Variants in LCA5 observed in about 807,000 individuals in gnomAD.
LCA5 encodes the protein lebercilin LCA5.
Under a neutral mutation model 53.0 loss-of-function variants are expected in LCA5, and 37 were observed. The ratio of observed to expected loss-of-function variants is 0.70; its 90% CI spans 0.54 to 0.92. The LOEUF is 0.92. Ranked by LOEUF, LCA5 falls within the 40% of genes least tolerant of loss-of-function variation. LCA5 has a pLI of 0.00. For missense variants in LCA5, 806 were observed against 790.5 expected (o/e 1.02, Z -0.23); for synonymous variants, 303 against 282.9 (o/e 1.07, Z -0.71).
intron 3 of LCA5, among the ~76,000 whole-genome samples, chr6:79,508,117 T>TGA (rs1770317243): frequency 6.6e-6 from 1 of 152,136 alleles, no homozygotes; most frequent in Admixed American, 6.5e-5. Flanking sequence ...GTATACACAC[T>TGA]GAGGTAACTG....
intron 1 of LCA5, among the ~76,000 whole-genome samples, chr6:79,528,910 A>G (rs1356530348): frequency 6.6e-6 from 1 of 152,228 alleles, no homozygotes; most frequent in Non-Finnish European, 1.5e-5. Context: ...TACTGCCCCA[A>G]ATGTAACCAT....
At chr6:79,525,887 T>C (rs2127687055) in intron 1 of LCA5, among the ~76,000 whole-genome samples, 1 of 152,196 alleles carries the variant, frequency 6.6e-6, no homozygotes, top group Admixed American at 6.5e-5. Context: ...CTAGCGTGAG[T>C]AAACCTTTAA....
intron 1 of LCA5, among the ~76,000 whole-genome samples, chr6:79,529,855 C>CA (rs1246744705): frequency 1.4e-5 from 2 of 144,510 alleles, no homozygotes; most frequent in East Asian, 2.1e-4. Context: ...ATTGCAAGGA[C>CA]AAAAAAAACC....
At position 79,513,594 on chromosome 6, in the gene LCA5, T is replaced by C. The variant is rs181890907; in HGVS notation, c.338A>G (p.Asn113Ser). 1.9e-4 allele frequency: 300 copies of C among 1,613,998 alleles called. 4 individuals carry two copies. Among genetic ancestry groups the C allele is most frequent in the Admixed American group, 1.2e-3 (72 of 60,000 alleles). The change falls in exon 3 of 8, where the codon AAT becomes AGT. Residue 113 changes from asparagine (N) to serine (S), a missense_variant. Transcript: ENST00000369846. ...RILSARLLKINELQNEVSELQ... is the reference protein window; with the variant it reads ...RILSARLLKISELQNEVSELQ... ...TTCAGATACTTCATTCTGCAACTCA[T>C]TGATTTTTAGCAGTCTTGCAGACAG...
At chr6:79,536,808 A>G (rs1767146385) in intron 1 of LCA5, among the ~76,000 whole-genome samples, 2 of 151,632 alleles carry the variant, frequency 1.3e-5, no homozygotes, top group Non-Finnish European at 2.9e-5. Flanking sequence ...TGTTTGTTTT[A>G]ATAACAACCA....
chr6:79,495,703 A>T (rs886142900), intron 3 of LCA5, among the ~76,000 whole-genome samples: 1 of 150,438 alleles, frequency 6.6e-6, no homozygotes, highest in Non-Finnish European at 1.5e-5. Context: ...GTGAGCCGAG[A>T]TCATGCCACT....
In LCA5 at chr6:79,487,782, C is replaced by T. The variant is rs1435049670; in HGVS notation, c.1316G>A (p.Gly439Glu). The T allele has an allele frequency of 6.8e-6, 11 of 1,612,660 alleles. No individual in the cohort carries two copies. The Middle Eastern group carries it at 5.0e-4, about 73-fold the overall frequency. ...TGGATACATTCCTAGTTGGTACCTT[C>T]CAGTTTCCCACTCTGGCTTTTCTTC... The part of the protein sequence containing the change: ...EREEKPEWET[G>E]RYQLGMYPIQ... Residue 439 changes from glycine to glutamate, a missense_variant, in exon 8 of 8, where the codon GGA (glycine) becomes GAA (glutamate). Coordinates refer to ENST00000369846, the MANE Select transcript of LCA5 (RefSeq NM_001122769.3).
intron 5 of LCA5, 142 bp from the exon 6 acceptor site, chr6:79,491,872 A>T: frequency 1.4e-6 from 1 of 695,050 alleles, no homozygotes; most frequent in South Asian, 1.7e-5. Context: ...TTAAATGGAG[A>T]ATATATATAT....
At chr6:79,518,341 CT>C (rs1247914030) in intron 2 of LCA5, among the ~76,000 whole-genome samples, 1 of 152,060 alleles carries the variant, frequency 6.6e-6, no homozygotes, top group Non-Finnish European at 1.5e-5. Context: ...TATGTCGATG[CT>C]TTTTCTACTT....
chr6:79,509,604 A>G (rs1179032319), intron 3 of LCA5, among the ~76,000 whole-genome samples: 1 of 152,182 alleles, frequency 6.6e-6, no homozygotes, highest in East Asian at 1.9e-4. Flanking sequence ...AAAACTTGGG[A>G]GTAAATTTAT....
chr6:79,531,825 T>G (rs1451919532), intron 1 of LCA5, among the ~76,000 whole-genome samples: 1 of 152,126 alleles, frequency 6.6e-6, no homozygotes, highest in Admixed American at 6.6e-5. Flanking sequence ...CAGTCTCCTT[T>G]GTTGAATAAT....
At chr6:79,530,781 T>C (rs1766936235) in intron 1 of LCA5, among the ~76,000 whole-genome samples, 1 of 152,124 alleles carries the variant, frequency 6.6e-6, no homozygotes, top group Non-Finnish European at 1.5e-5. Context: ...TAGAAACTTG[T>C]AGCTGCCTGG....
chr6:79,509,078 G>A (rs758659415), intron 3 of LCA5, among the ~76,000 whole-genome samples: 15 of 152,112 alleles, frequency 9.9e-5, no homozygotes, highest in Admixed American at 5.2e-4. Flanking sequence ...GGTGGGCTGC[G>A]CTGGCTACAC....
At chr6:79,529,355 G>T (rs1331569257) in intron 1 of LCA5, among the ~76,000 whole-genome samples, 2 of 152,144 alleles carry the variant, frequency 1.3e-5, no homozygotes, top group East Asian at 3.8e-4. Flanking sequence ...CCACTTTCAA[G>T]GCATGATAAA....
intron 1 of LCA5, among the ~76,000 whole-genome samples, chr6:79,531,412 C>G (rs1766956120): frequency 6.6e-6 from 1 of 152,158 alleles, no homozygotes; most frequent in Non-Finnish European, 1.5e-5. Context: ...ATGCTTGATT[C>G]CATGTTCTGT....
chr6:79,525,085 ACT>A (rs1311155701), intron 1 of LCA5: 2 of 152,086 alleles, frequency 1.3e-5, no homozygotes, highest in Non-Finnish European at 2.9e-5. Context: ...TTCTCGCATT[ACT>A]GAGGTAATAT....
At chr6:79,538,032 T>TG (rs1767210351), upstream of LCA5, among the ~76,000 whole-genome samples, 2 of 113,062 alleles carry the variant, frequency 1.8e-5, no homozygotes, top group South Asian at 2.6e-4. Flanking sequence ...TTTTTTTTTT[T>TG]TTTTTTTTTT....
chr6:79,534,913 C>T (rs952148354), intron 1 of LCA5, among the ~76,000 whole-genome samples: 1 of 152,070 alleles, frequency 6.6e-6, no homozygotes, highest in African/African-American at 2.4e-5. Context: ...TCCTGAGCAC[C>T]TCAAATGTAG....
Position 79,513,346 on chromosome 6 carries a change from G to A in LCA5, c.586C>T (p.Leu196=), listed in dbSNP as rs114426854. 2,093 of 1,613,720 alleles carry A rather than the reference G, an allele frequency of 1.3e-3. 20 individuals carry two copies. The African/African-American group carries it at 0.025, about 19-fold the overall frequency. ...TGTAAGGAAAATTTTGTCCTAAATA[G>A]TTCACTTTCTGTATCTTTTACCCTT... is the stretch of plus-strand genomic sequence containing the variant. The part of the protein sequence containing the change: ...EKRVKDTESE[L]FRTKFSLQKL... Residue 196 remains leucine (L), a synonymous_variant, in exon 3 of 8, where the codon CTA becomes TTA. Transcript: ENST00000369846.
Sources: allele counts gnomAD v4.1 joint callset (sites outside exome capture counted in the v4.1 genomes callset), GRCh38; gene constraint gnomAD v4.1.1; transcripts MANE v1.5; gene names NCBI Gene and HGNC (gene_info 2026-07-23, HGNC 2026-07-21).